Variants in PCYOX1 observed in about 807,000 individuals in gnomAD.
PCYOX1 encodes the protein prenylcysteine lyase.
PCYOX1 carries 46 observed loss-of-function variants against 46.4 expected under a neutral mutation model. That is an observed-to-expected ratio of 0.99 (90% CI 0.78 to 1.27). PCYOX1 has a LOEUF of 1.27. PCYOX1 is among the 50% of genes most tolerant of loss of function. The pLI is 0.00. For missense variants in PCYOX1, 658 were observed against 628.3 expected, an observed-to-expected ratio of 1.05 and a Z score of -0.51; for synonymous variants, 220 against 231.8, an observed-to-expected ratio of 0.95 and a Z score of 0.46.
chr2:70,276,749 T>A lies in PCYOX1; in HGVS notation c.875T>A (p.Met292Lys). 1.3e-6 allele frequency: 2 copies of A among 1,588,446 alleles called. No individual in the cohort carries two copies. The highest frequency in any genetic ancestry group is 1.7e-6 in the Non-Finnish European group (2 of 1,166,850). ...KTKYTGNPTK[M>K]YEVVYQIGTE... ...TTTCCTCTAGGAAATCCAACAAAGA[T>A]GTATGAAGTGGTCTACCAAATTGGA... Residue 292 changes from methionine (M) to lysine (K), a missense_variant, in exon 6 of 6, where the codon ATG (methionine) becomes AAG (lysine). Physicochemically the swap from Met to Lys is moderately conservative, Grantham distance 95. Transcript: ENST00000433351.
Position 70,275,126 on chromosome 2 carries a change from T to G in PCYOX1, c.662T>G (p.Met221Arg), listed in dbSNP as rs994053596. The G allele has an allele frequency of 6.2e-7, 1 of 1,614,050 alleles. No individual in the cohort carries two copies. The highest frequency in any genetic ancestry group is 8.5e-7 in the Non-Finnish European group (1 of 1,180,016). Residue 221 changes from methionine (M) to arginine (R), a missense_variant, in exon 4 of 6, where the codon ATG (methionine) becomes AGG (arginine). Physicochemically the swap from Met to Arg is moderately conservative, Grantham distance 91. Coordinates refer to ENST00000433351, the MANE Select transcript of PCYOX1 (RefSeq NM_016297.4). The stretch of plus-strand genomic sequence containing the variant: ...CTCAATGAAATGATTGCTCCTGTTA[T>G]GAGGGTCAATTATGGCCAAAGCACG... The part of the protein sequence containing the change: ...KFLNEMIAPV[M>R]RVNYGQSTDI...
Position 70,275,131 on chromosome 2 carries a change from G to T in PCYOX1, c.667G>T (p.Val223Phe), listed in dbSNP as rs780668774. 1.9e-6 allele frequency: 3 copies of T among 1,614,084 alleles called. No individual in the cohort carries two copies. The highest frequency in any genetic ancestry group is 4.5e-5 in the East Asian group (2 of 44,882). ...LNEMIAPVMR[V>F]NYGQSTDINA... is the part of the protein sequence containing the mutation. ...TGAAATGATTGCTCCTGTTATGAGG[G>T]TCAATTATGGCCAAAGCACGGACAT... The change falls in exon 4 of 6, where the codon GTC becomes TTC. Residue 223 changes from valine (V) to phenylalanine (F), a missense_variant. Transcript: ENST00000433351.
rs1156904899 is a variant in PCYOX1, at chr2:70,278,675, C to G, written c.*1283C>G. ...GTTGCTGAAATCTTAAGACAGTGGTCTCAACCTTGGCTGCACATTGGAATC... is the reference window on the plus strand; with the variant it reads ...GTTGCTGAAATCTTAAGACAGTGGTGTCAACCTTGGCTGCACATTGGAATC... On this transcript the variant is annotated 3_prime_UTR_variant, in exon 6 of 6. Transcript: ENST00000433351. 6.6e-6 allele frequency: 1 copy of G among 152,150 alleles called. No homozygotes were observed. Among genetic ancestry groups the G allele is most frequent in the Middle Eastern group, 3.2e-3 (1 of 316 alleles). The allele number at this position is 152,150 out of a possible 1,614,324, so 9.4% of individuals were successfully genotyped here.
chr2:70,269,570 C>T (rs912058614), intron 3 of PCYOX1, among the ~76,000 whole-genome samples: 1 of 152,166 alleles, frequency 6.6e-6, no homozygotes, highest in Admixed American at 6.5e-5. Flanking sequence ...CTCCTAACCT[C>T]AAGTGATCCT....
intron 2 of PCYOX1, among the ~76,000 whole-genome samples, chr2:70,260,505 G>A (rs953521662): frequency 1.3e-4 from 20 of 152,178 alleles, no homozygotes; most frequent in Admixed American, 1.3e-4. Context: ...GCATGCCACT[G>A]CACTCCAGCC....
In PCYOX1 at chr2:70,258,219, C is replaced by G. The variant is rs374420773; in HGVS notation, c.55C>G (p.Leu19Val). 162 of 1,598,088 alleles carry G rather than the reference C, an allele frequency of 1.0e-4. No individual in the cohort carries two copies. Among genetic ancestry groups the G allele is most frequent in the Non-Finnish European group, 1.8e-5 (21 of 1,176,402 alleles). The change falls in exon 1 of 6, where the codon CTG becomes GTG. Residue 19 changes from leucine to valine, a missense_variant. Coordinates refer to ENST00000433351, the MANE Select transcript of PCYOX1 (RefSeq NM_016297.4). Reference protein sequence around the residue: ...VSSLLGLWLLLCSCGCPEGAE... With the variant: ...VSSLLGLWLLVCSCGCPEGAE... ...CTCGCTGCTGGGGTTGTGGCTGTTG[C>G]TGTGCAGCTGCGGATGCCCCGAGGG...
At position 70,280,649 on chromosome 2, in the gene PCYOX1, G is replaced by A. The variant is rs1361336264; in HGVS notation, c.*3257G>A. 6.6e-6 allele frequency: 1 copy of A among 152,212 alleles called. No individual in the cohort carries two copies. The highest frequency in any genetic ancestry group is 2.4e-5 in the African/African-American group (1 of 41,458). The allele number at this position is 152,212 out of a possible 1,614,324, so 9.4% of individuals were successfully genotyped here. On this transcript the variant is annotated 3_prime_UTR_variant, in exon 6 of 6. Coordinates refer to ENST00000433351, the MANE Select transcript of PCYOX1 (RefSeq NM_016297.4). ...GTAAAGGAGTCAAGTCAATGAAGGA[G>A]TTATAAAGAGTTGCTGAAAAATGGA... is the stretch of plus-strand genomic sequence containing the variant.
In PCYOX1 at chr2:70,262,493, T is replaced by C. The variant is rs556610674; in HGVS notation, c.494+1107T>C. Among the ~76,000 whole-genome samples the C allele has an allele frequency of 3.7e-4, 55 of 147,670 alleles. 2 individuals carry two copies. In the South Asian group the frequency reaches 7.6e-3, roughly 20 times the overall value. ...CATGTGCTAATTTTTTTTTTTTTTTTTTTTGAGATGGAGTTTTGCTCTGTC... is the reference window on the plus strand; with the variant it reads ...CATGTGCTAATTTTTTTTTTTTTTTCTTTTGAGATGGAGTTTTGCTCTGTC... On this transcript the variant is annotated intron_variant, in intron 3 of 5. Transcript: ENST00000433351.
intron 3 of PCYOX1, among the ~76,000 whole-genome samples, chr2:70,262,598 G>T (rs1230011788): frequency 6.6e-6 from 1 of 150,848 alleles, no homozygotes; most frequent in Non-Finnish European, 1.5e-5. Flanking sequence ...TCCTGCCTCA[G>T]ACTCCCGAAT....
At chr2:70,259,279 A>G (rs969793802) in intron 1 of PCYOX1, 81 bp from the exon 2 acceptor site, 9 of 1,264,268 alleles carry the variant, frequency 7.1e-6, no homozygotes, top group African/African-American at 4.4e-5. Context: ...AACCTCTGCT[A>G]TTGATGGTCT....
chr2:70,266,973 AT>A (rs1559035222), intron 3 of PCYOX1, among the ~76,000 whole-genome samples: 8 of 151,586 alleles, frequency 5.3e-5, no homozygotes, highest in Admixed American at 3.9e-4. Context: ...TCAATGAGCT[AT>A]TGGGTACACC....
rs1054686214 is a variant in PCYOX1 at position 70,259,409 on chromosome 2, G to T, written c.162G>T (p.Arg54=). 3 of 1,614,114 alleles carry T rather than the reference G, an allele frequency of 1.9e-6. No individual in the cohort carries two copies. In the African/African-American group the frequency reaches 4.0e-5, roughly 22 times the overall value. ...IGGTSAAYYL[R]QKFGKDVKID... is the part of the protein sequence containing the mutation. ...GCACTTCAGCAGCCTATTACCTGCG[G>T]CAGAAATTTGGGAAAGATGTGAAGA... Residue 54 remains arginine, a synonymous_variant, in exon 2 of 6, where the codon CGG becomes CGT. Coordinates refer to ENST00000433351, the MANE Select transcript of PCYOX1 (RefSeq NM_016297.4).
chr2:70,262,626 C>T (rs1019331848), intron 3 of PCYOX1, among the ~76,000 whole-genome samples: 5 of 151,808 alleles, frequency 3.3e-5, no homozygotes, highest in Non-Finnish European at 7.4e-5. Context: ...ATTACAGGTG[C>T]CTGCCACTGT....
chr2:70,258,268 A>C lies in PCYOX1; in HGVS notation c.104A>C (p.Asp35Ala), dbSNP rs1696377030. 3.8e-6 allele frequency: 6 copies of C among 1,585,772 alleles called. No homozygotes were observed. The highest frequency in any genetic ancestry group is 4.3e-6 in the Non-Finnish European group (5 of 1,172,320). Residue 35 changes from aspartate to alanine, a missense_variant, in exon 1 of 6, where the codon GAT becomes GCT. Transcript: ENST00000433351. ...PEGAELRAPP[D>A]KIAIIGAGIG... ...GGCGCCGAGCTGCGTGCTCCGCCAG[A>C]TAAAATCGGTAGGCGAGAAGGGGGC...
rs1696718273 is a variant in PCYOX1 at position 70,278,537 on chromosome 2, G to A, written c.*1145G>A. The stretch of plus-strand genomic sequence containing the variant: ...AGCAGAGGCAACTTAAATAACTCCT[G>A]AGCAGTTGGCACTAGAACAGAATAC... On this transcript the variant is annotated 3_prime_UTR_variant, in exon 6 of 6. Transcript: ENST00000433351. 6.6e-6 allele frequency: 1 copy of A among 152,262 alleles called. No homozygotes were observed. The highest frequency in any genetic ancestry group is 6.5e-5 in the Admixed American group (1 of 15,268). 9.4% of individuals were successfully genotyped at this position (152,262 alleles called of 1,614,324 possible). A position where few individuals can be genotyped will look rare whatever the true frequency, so the allele number is the denominator to read the frequency against.
intron 3 of PCYOX1, among the ~76,000 whole-genome samples, chr2:70,265,691 C>A (rs1696513263): frequency 6.6e-6 from 1 of 152,172 alleles, no homozygotes; most frequent in African/African-American, 2.4e-5. Flanking sequence ...ATTTAAATCT[C>A]TGGTCTGCTG....
chr2:70,265,875 C>T (rs771293619), intron 3 of PCYOX1, among the ~76,000 whole-genome samples: 1 of 152,142 alleles, frequency 6.6e-6, no homozygotes, highest in Non-Finnish European at 1.5e-5. Context: ...GTTACTCCTA[C>T]CAAATATTTT....
At chr2:70,276,547 G>T (rs1696674928) in intron 5 of PCYOX1, among the ~76,000 whole-genome samples, 187 bp from the exon 6 acceptor site, 1 of 152,094 alleles carries the variant, frequency 6.6e-6, no homozygotes, top group Non-Finnish European at 1.5e-5. Flanking sequence ...TCTGTATTTT[G>T]TACTTACTGA....
In PCYOX1 at chr2:70,279,368, GAA is replaced by G. The variant is rs1696732450; in HGVS notation, c.*1977_*1978del. 1 of 152,198 alleles carries G rather than the reference GAA, an allele frequency of 6.6e-6. No individual in the cohort carries two copies. The highest frequency in any genetic ancestry group is 2.4e-5 in the African/African-American group (1 of 41,446). The allele number at this position is 152,198 out of a possible 1,614,324, so 9.4% of individuals were successfully genotyped here. On this transcript the variant is annotated 3_prime_UTR_variant, in exon 6 of 6. Transcript: ENST00000433351. ...ATTTGTTTCCTTTTGTGGTTTTAAT[GAA>G]GACAATTTGTAAAGTAATACTGTTA...
Sources: allele counts gnomAD v4.1 joint callset (sites outside exome capture counted in the v4.1 genomes callset), GRCh38; gene constraint gnomAD v4.1.1; transcripts MANE v1.5; gene names NCBI Gene and HGNC (gene_info 2026-07-23, HGNC 2026-07-21).